The following EIF4G3 variants were observed in gnomAD, a reference collection of about 807,000 sequenced individuals.
The protein encoded by EIF4G3 is eukaryotic translation initiation factor 4 gamma 3.
A neutral mutation model predicts 186.4 loss-of-function variants in EIF4G3; 34 were observed. That is an observed-to-expected ratio of 0.18 (90% CI 0.14 to 0.24). The LOEUF (loss-of-function observed/expected upper bound fraction) is 0.24, where lower values mean the gene tolerates loss of function less well. Ranked by LOEUF, EIF4G3 falls within the 10% of genes least tolerant of loss-of-function variation. The probability of loss-of-function intolerance (pLI) is 1.00; values close to 1 mark genes in which losing one functional copy is unlikely to be tolerated. For missense variants in EIF4G3, 1,536 were observed against 1,948.5 expected (o/e 0.79, Z 3.99); for synonymous variants, 673 against 679.5 (o/e 0.99, Z 0.15).
intron 12 of EIF4G3, among the ~76,000 whole-genome samples, chr1:20,962,187 T>A (rs563383716): frequency 6.6e-6 from 1 of 152,326 alleles, no homozygotes; most frequent in East Asian, 1.9e-4. Flanking sequence ...CTAGAGGAAC[T>A]GACCCCACAC....
intron 14 of EIF4G3, among the ~76,000 whole-genome samples, chr1:20,938,599 A>G (rs1437732705): frequency 6.6e-6 from 1 of 152,190 alleles, no homozygotes. Flanking sequence ...GGCTGTTATG[A>G]TTTACTAACT....
At chr1:20,842,677 C>A (rs558440609) in intron 29 of EIF4G3, among the ~76,000 whole-genome samples, 14 of 151,374 alleles carry the variant, frequency 9.2e-5, no homozygotes, top group Non-Finnish European at 1.8e-4. Flanking sequence ...TAAAATGTTT[C>A]TTATATATGC....
intron 13 of EIF4G3, among the ~76,000 whole-genome samples, chr1:20,944,448 G>A (rs1171988282): frequency 6.7e-6 from 1 of 148,784 alleles, no homozygotes; most frequent in Middle Eastern, 3.8e-3. Flanking sequence ...CCAGGAGGTC[G>A]AGGCTGCAGC....
intron 2 of EIF4G3, among the ~76,000 whole-genome samples, chr1:21,105,711 T>C (rs1026615265): frequency 1.3e-5 from 2 of 152,090 alleles, no homozygotes; most frequent in African/African-American, 4.8e-5. Context: ...GGAAAGAACA[T>C]TCCAGGAAGG....
intron 4 of EIF4G3, among the ~76,000 whole-genome samples, chr1:21,039,976 G>C (rs552570118): frequency 6.6e-6 from 1 of 152,284 alleles, no homozygotes; most frequent in Admixed American, 6.5e-5. Context: ...TCACACCTCA[G>C]CATGTAAAGT....
At chr1:20,873,497 A>G (rs1323923454) in intron 20 of EIF4G3, among the ~76,000 whole-genome samples, 1 of 152,184 alleles carries the variant, frequency 6.6e-6, no homozygotes, top group Non-Finnish European at 1.5e-5. Context: ...ACGTTTGTAA[A>G]TATCTGGTAC....
At chr1:20,926,806 T>C (rs551445926) in intron 14 of EIF4G3, among the ~76,000 whole-genome samples, 2 of 151,746 alleles carry the variant, frequency 1.3e-5, no homozygotes, top group Non-Finnish European at 2.9e-5. Flanking sequence ...CACAAATCTA[T>C]ACATTTGCAG....
chr1:21,123,679 G>C (rs906337334), intron 2 of EIF4G3, among the ~76,000 whole-genome samples: 2 of 152,128 alleles, frequency 1.3e-5, no homozygotes, highest in Non-Finnish European at 2.9e-5. Flanking sequence ...GTGAGTGGCA[G>C]GAAAAGACAA....
At chr1:21,024,566 G>T (rs1246571147) in intron 4 of EIF4G3, among the ~76,000 whole-genome samples, 1 of 149,386 alleles carries the variant, frequency 6.7e-6, no homozygotes, top group Non-Finnish European at 1.5e-5. Flanking sequence ...TTCTCCCTTG[G>T]GATCCTGTTG....
chr1:20,879,669 A>G (rs532012833), intron 19 of EIF4G3, 149 bp from the exon 20 acceptor site: 3 of 468,852 alleles, frequency 6.4e-6, no homozygotes, highest in African/African-American at 2.0e-5. Context: ...TAATTAAACT[A>G]ATCTATTTTA....
intron 2 of EIF4G3, chr1:21,174,669 GC>G (rs1321967877): frequency 1.3e-5 from 2 of 152,200 alleles, no homozygotes; most frequent in African/African-American, 4.8e-5. Flanking sequence ...AGGCAAACCA[GC>G]CAATCTTCCC....
intron 12 of EIF4G3, among the ~76,000 whole-genome samples, chr1:20,952,877 A>G (rs986000342): frequency 6.6e-6 from 1 of 152,036 alleles, no homozygotes. Context: ...ACAAACAAAC[A>G]AACAAACAGT....
chr1:20,827,452 C>G (rs1392209375), intron 32 of EIF4G3, among the ~76,000 whole-genome samples, 165 bp downstream of exon 32: 1 of 152,092 alleles, frequency 6.6e-6, no homozygotes, highest in East Asian at 1.9e-4. Context: ...AAGATATTAG[C>G]AAACAGAAGG....
chr1:20,963,733 C>G (rs2073975710), intron 12 of EIF4G3, among the ~76,000 whole-genome samples: 1 of 151,992 alleles, frequency 6.6e-6, no homozygotes, highest in Non-Finnish European at 1.5e-5. Flanking sequence ...GCGAGCAGAT[C>G]ACTTGAGGTC....
At position 20,980,337 on chromosome 1, in the gene EIF4G3, A is replaced by T; in HGVS notation, c.490T>A (p.Tyr164Asn). The T allele has an allele frequency of 6.5e-7, 1 of 1,544,130 alleles. No homozygotes were observed. The highest frequency in any genetic ancestry group is 8.7e-7 in the Non-Finnish European group (1 of 1,154,684). Reference sequence around the variant, plus strand: ...TGTCTTGACTTTTCCTACTTACCATAAGCATTGGGGAAGTCCCCAGGTCCT... The same window carrying T: ...TGTCTTGACTTTTCCTACTTACCATTAGCATTGGGGAAGTCCCCAGGTCCT... ...GPGPGDFPNA[Y>N]GTPFYPSQPV... The change falls in exon 10 of 37, where the codon TAT becomes AAT. Residue 164 changes from tyrosine (Y) to asparagine (N), a missense_variant. Physicochemically the swap from Tyr to Asn is moderately radical, Grantham distance 143. Coordinates refer to ENST00000602326, the MANE Select transcript of EIF4G3 (RefSeq NM_001391906.1).
intron 2 of EIF4G3, among the ~76,000 whole-genome samples, chr1:21,148,634 G>A (rs1283146165): frequency 9.9e-5 from 15 of 150,998 alleles, no homozygotes; most frequent in African/African-American, 2.7e-4. Flanking sequence ...CCCAGGAGGC[G>A]GAGCTTGCAG....
At chr1:20,890,261 T>C (rs2085577715) in intron 18 of EIF4G3, among the ~76,000 whole-genome samples, 1 of 150,302 alleles carries the variant, frequency 6.7e-6, no homozygotes, top group Non-Finnish European at 1.5e-5. Flanking sequence ...GCATGAGCTG[T>C]AGAAAAGTTT....
At chr1:21,041,709 T>C (rs547203592) in intron 4 of EIF4G3, among the ~76,000 whole-genome samples, 40 of 152,238 alleles carry the variant, frequency 2.6e-4, no homozygotes, top group Non-Finnish European at 4.8e-4. Context: ...ACATGGTTTC[T>C]GCAATATGTC....
intron 14 of EIF4G3, among the ~76,000 whole-genome samples, chr1:20,910,790 G>A (rs1403430740): frequency 6.6e-6 from 1 of 151,996 alleles, no homozygotes; most frequent in Non-Finnish European, 1.5e-5. Flanking sequence ...GTAGGTTAAG[G>A]TTAAAAAACA....
Sources: allele counts gnomAD v4.1 joint callset (sites outside exome capture counted in the v4.1 genomes callset), GRCh38; gene constraint gnomAD v4.1.1; transcripts MANE v1.5; gene names NCBI Gene and HGNC (gene_info 2026-07-23, HGNC 2026-07-21).